The following ARHGAP29 variants were observed in gnomAD, a reference collection of about 807,000 sequenced individuals.
The protein encoded by ARHGAP29 is Rho GTPase activating protein 29, also known as rho GTPase-activating protein 29.
In ARHGAP29, 43 loss-of-function variants were observed where a neutral mutation model predicts 122.6. The observed-to-expected ratio is 0.35, with a 90% confidence interval of 0.27 to 0.45. ARHGAP29 has a LOEUF of 0.45. ARHGAP29 is among the 20% of genes least tolerant of loss of function. The pLI, the probability that ARHGAP29 is intolerant of heterozygous loss-of-function variation, is 1.00. For missense variants in ARHGAP29, 1,303 were observed against 1,477.2 expected (o/e 0.88, Z 1.93); for synonymous variants, 506 against 497.1 (o/e 1.02, Z -0.24).
At chr1:94,245,103 G>A (rs977570248) in intron 1 of ARHGAP29, among the ~76,000 whole-genome samples, 1 of 152,168 alleles carries the variant, frequency 6.6e-6, no homozygotes, top group Non-Finnish European at 1.5e-5. Flanking sequence ...CTAAGTGTTG[G>A]TGAGGATGTA....
chr1:94,310,934 C>T, the ARHGAP29 span, among the ~76,000 whole-genome samples: 1 of 152,160 alleles, frequency 6.6e-6, no homozygotes, highest in Non-Finnish European at 1.5e-5. Context: ...TGTCACACTC[C>T]TGGCTTCCTT....
intron 3 of ARHGAP29, among the ~76,000 whole-genome samples, chr1:94,210,884 G>C (rs1053441786): frequency 9.0e-5 from 12 of 133,626 alleles, no homozygotes; most frequent in Non-Finnish European, 1.9e-4. Flanking sequence ...GCCTGACAGA[G>C]CAAAACTCTG....
At chr1:94,267,973 G>C (rs1468509210) in intron 1 of ARHGAP29, among the ~76,000 whole-genome samples, 1 of 152,110 alleles carries the variant, frequency 6.6e-6, no homozygotes, top group Non-Finnish European at 1.5e-5. Context: ...CATATTGGTG[G>C]TGCTAATATT....
chr1:94,310,321 G>A, the ARHGAP29 span, among the ~76,000 whole-genome samples: 41 of 152,314 alleles, frequency 2.7e-4, no homozygotes, highest in East Asian at 5.6e-3. Flanking sequence ...GGTGAAGAAG[G>A]GCTTCTACGG....
intron 2 of ARHGAP29, among the ~76,000 whole-genome samples, chr1:94,222,557 C>A (rs1652365638): frequency 6.6e-6 from 1 of 152,140 alleles, no homozygotes; most frequent in South Asian, 2.1e-4. Context: ...TGCAGAATAC[C>A]TAATCAGTAT....
At chr1:94,248,389 C>G (rs1214305292) in intron 1 of ARHGAP29, among the ~76,000 whole-genome samples, 1 of 152,168 alleles carries the variant, frequency 6.6e-6, no homozygotes, top group East Asian at 1.9e-4. Context: ...AAACATTTAT[C>G]TAGATGTTGG....
rs918071626 is a variant in ARHGAP29 at position 94,170,959 on chromosome 1, T to C, written c.*2910A>G. ...AACTGACTTACATACTGATTGTGAA[T>C]GTAGCAAATTTGCTAACTCCTAGAT... is the stretch of plus-strand genomic sequence containing the variant. On this transcript the variant is annotated 3_prime_UTR_variant, in exon 23 of 23. Transcript: ENST00000260526. Among the ~76,000 whole-genome samples, 1 of 152,228 alleles carries C rather than the reference T, an allele frequency of 6.6e-6. No individual in the cohort carries two copies. The highest frequency in any genetic ancestry group is 2.4e-5 in the African/African-American group (1 of 41,464).
intron 3 of ARHGAP29, among the ~76,000 whole-genome samples, chr1:94,213,579 A>G (rs1406225418): frequency 3.9e-5 from 6 of 152,364 alleles, no homozygotes; most frequent in African/African-American, 1.2e-4. Context: ...ACATAAATGG[A>G]TAAGACTGTG....
intron 1 of ARHGAP29, among the ~76,000 whole-genome samples, chr1:94,263,954 A>G (rs191201046): frequency 6.6e-5 from 10 of 152,228 alleles, no homozygotes; most frequent in Admixed American, 4.6e-4. Flanking sequence ...ATTGTTCCCA[A>G]TGTTCTTTGG....
At chr1:94,295,289 T>A in the ARHGAP29 span, among the ~76,000 whole-genome samples, 4 of 151,994 alleles carry the variant, frequency 2.6e-5, no homozygotes, top group Admixed American at 2.6e-4. Flanking sequence ...TGAGGAAGAA[T>A]GGAATTGAGA....
chr1:94,248,588 G>A (rs1267499575), intron 1 of ARHGAP29, among the ~76,000 whole-genome samples: 1 of 152,174 alleles, frequency 6.6e-6, no homozygotes, highest in Non-Finnish European at 1.5e-5. Flanking sequence ...TCACTTAATG[G>A]CATCTTCCCT....
chr1:94,211,018 C>T (rs1275259833), intron 3 of ARHGAP29, among the ~76,000 whole-genome samples: 1 of 151,902 alleles, frequency 6.6e-6, no homozygotes, highest in Non-Finnish European at 1.5e-5. Context: ...GGTGCAGTGG[C>T]TCATGCCTGT....
chr1:94,206,974 T>C (rs1228263161), intron 5 of ARHGAP29, among the ~76,000 whole-genome samples: 2 of 149,914 alleles, frequency 1.3e-5, no homozygotes, highest in East Asian at 3.9e-4. Context: ...CAAATATATA[T>C]ATATAGAGAG....
At chr1:94,304,475 C>T in the ARHGAP29 span, among the ~76,000 whole-genome samples, 1 of 152,232 alleles carries the variant, frequency 6.6e-6, no homozygotes, top group Admixed American at 6.5e-5. Flanking sequence ...CAAGACTCAG[C>T]TCCTCCAGAA....
the ARHGAP29 span, among the ~76,000 whole-genome samples, chr1:94,290,262 G>T: frequency 6.6e-6 from 1 of 151,788 alleles, no homozygotes; most frequent in Non-Finnish European, 1.5e-5. Context: ...TGTGGGATCA[G>T]TGGTGATATC....
At chr1:94,209,763 A>G (rs1261851413) in intron 3 of ARHGAP29, among the ~76,000 whole-genome samples, 1 of 152,206 alleles carries the variant, frequency 6.6e-6, no homozygotes, top group Non-Finnish European at 1.5e-5. Flanking sequence ...ACTGAAGGCA[A>G]TATGAGGTAC....
rs536288979 is a variant in ARHGAP29 at position 94,247,797 on chromosome 1, T to C, written c.-32-16154A>G. On this transcript the variant is annotated intron_variant and NMD_transcript_variant, in intron 1 of 25. Coordinates refer to the ARHGAP29 transcript ENST00000552844. ...GCCCCGCCCCTTGGAGCCCAGCCCA[T>C]TGGCCTGGCCCGCGCTCCCGGGGGG... 1,149 of 345,842 alleles carry C rather than the reference T, an allele frequency of 3.3e-3. 3 individuals are homozygous for C. Among genetic ancestry groups the C allele is most frequent in the Non-Finnish European group, 4.2e-3 (1,024 of 245,566 alleles). The allele number at this position is 345,842 out of a possible 1,614,324, so 21.4% of individuals were successfully genotyped here.
At chr1:94,205,736 G>T in intron 5 of ARHGAP29, 53 bp from the exon 6 acceptor site, 1 of 1,550,402 alleles carries the variant, frequency 6.4e-7, no homozygotes, top group Non-Finnish European at 8.8e-7. Context: ...ACAAATCTTT[G>T]CTTCAGAATT....
intron 1 of ARHGAP29, among the ~76,000 whole-genome samples, chr1:94,257,240 A>G (rs1024345479): frequency 6.6e-6 from 1 of 151,866 alleles, no homozygotes; most frequent in Non-Finnish European, 1.5e-5. Context: ...CGTCTCTACT[A>G]AAAATGCAAA....
Sources: allele counts gnomAD v4.1 joint callset (sites outside exome capture counted in the v4.1 genomes callset), GRCh38; gene constraint gnomAD v4.1.1; transcripts MANE v1.5; gene names NCBI Gene and HGNC (gene_info 2026-07-23, HGNC 2026-07-21).